The following ATM variants were observed in gnomAD, a reference collection of about 807,000 sequenced individuals.
ATM encodes ATM serine/threonine kinase.
In ATM, 308 loss-of-function variants were observed where a neutral mutation model predicts 387.0. The observed-to-expected ratio is 0.80, with a 90% confidence interval of 0.73 to 0.87. ATM has a LOEUF of 0.87. Among genes scored for constraint, ATM ranks in the 40% least tolerant of loss-of-function variants. The pLI, the probability that ATM is intolerant of heterozygous loss-of-function variation, is 0.00. For synonymous variants in ATM, 1,156 were observed against 1,187.3 expected (o/e 0.97, Z 0.54); for missense variants, 3,312 against 3,560.9 (o/e 0.93, Z 1.78).
At chr11:108,355,821 G>C (rs1009625530) in intron 61 of ATM, 5 of 152,202 alleles carry the variant, frequency 3.3e-5, no homozygotes, top group Non-Finnish European at 5.9e-5. Flanking sequence ...CATTAAGCCT[G>C]TGGTCAATAA....
chr11:108,277,688 G>A (rs1344701262), intron 22 of ATM, among the ~76,000 whole-genome samples: 1 of 152,092 alleles, frequency 6.6e-6, no homozygotes, highest in African/African-American at 2.4e-5. Context: ...ACCCTGCTTT[G>A]ACTCTCCCTC....
chr11:108,348,068 A>G (rs1351636924), intron 59 of ATM, among the ~76,000 whole-genome samples: 1 of 152,184 alleles, frequency 6.6e-6, no homozygotes, highest in Non-Finnish European at 1.5e-5. Context: ...GGGCCCCCAG[A>G]TAACTGAAGC....
intron 13 of ATM, among the ~76,000 whole-genome samples, chr11:108,255,549 C>T (rs1442934765): frequency 1.3e-5 from 2 of 151,234 alleles, no homozygotes; most frequent in Non-Finnish European, 2.9e-5. Context: ...CCTCAGCCTC[C>T]TGAGTAGCTG....
chr11:108,267,486 TA>T, intron 17 of ATM, 144 bp downstream of exon 17: 4 of 612,870 alleles, frequency 6.5e-6, no homozygotes, highest in Admixed American at 3.5e-5. Flanking sequence ...TTATATACTT[TA>T]TTTTTTTTTT....
Position 108,366,046 on chromosome 11 carries a change from AAAC to A in ATM, c.*540_*542del, listed in dbSNP as rs1328826044. On this transcript the variant is annotated 3_prime_UTR_variant, in exon 63 of 63. Transcript: ENST00000675843. ...CTCCATCTCAAAAAAAAAAAAAAAA[AAAC>A]AGAAACGTATTTGGATTTTTCCTAG... 1.1e-5 allele frequency: 2 copies of A among 176,170 alleles called. No homozygotes were observed. The highest frequency in any genetic ancestry group is 1.9e-4 in the East Asian group (2 of 10,258). The allele number at this position is 176,170 out of a possible 1,614,324, so 10.9% of individuals were successfully genotyped here.
At chr11:108,272,448 T>C (rs2081633046) in intron 20 of ATM, 84 bp from the exon 21 acceptor site, 2 of 1,122,588 alleles carry the variant, frequency 1.8e-6, no homozygotes, top group African/African-American at 3.1e-5. Context: ...ATATTGGAAG[T>C]AACTTACAAT....
At position 108,357,171 on chromosome 11, in the gene ATM, G is replaced by T. The variant is rs535421492; in HGVS notation, c.8850+2297G>T. ...CAGGGAGTTCCCTTTCCTAGTCAAA[G>T]AAAGGGGTGACAGACGGCACCTGGA... On this transcript the variant is annotated intron_variant, in intron 61 of 62. Transcript: ENST00000675843. Among the ~76,000 whole-genome samples the T allele has an allele frequency of 4.4e-4, 67 of 152,346 alleles. 1 individual carries two copies. The highest frequency in any genetic ancestry group is 2.9e-5 in the Non-Finnish European group (2 of 68,030).
intron 40 of ATM, among the ~76,000 whole-genome samples, chr11:108,312,930 G>A (rs1046195789): frequency 4.6e-5 from 7 of 152,110 alleles, no homozygotes; most frequent in South Asian, 2.1e-4. Flanking sequence ...GATGCTTGCC[G>A]AATTTCTTTG....
At chr11:108,350,643 T>A (rs1010656857) in intron 59 of ATM, among the ~76,000 whole-genome samples, 1 of 152,098 alleles carries the variant, frequency 6.6e-6, no homozygotes, top group Admixed American at 6.5e-5. Context: ...TCAGCGAATG[T>A]GAGAGAAAAC....
rs587781598 is a variant in ATM, at chr11:108,250,752, CTG to C, written c.1290_1291del (p.Cys430Ter). 1.0e-5 allele frequency: 16 copies of C among 1,605,178 alleles called. No homozygotes were observed. Among genetic ancestry groups the C allele is most frequent in the South Asian group, 2.2e-5 (2 of 90,884 alleles). On this transcript the variant is annotated frameshift_variant, in exon 10 of 63. Transcript: ENST00000675843. LOFTEE classifies it high-confidence loss of function. The stretch of plus-strand genomic sequence containing the variant: ...CAAAGTATCCTGCAAGTTTACCTAA[CTG>C]TGAGCTGTCTCCATTACTGATGATA... ...ISKYPASLPN[C>X]ELSPLLMILS...
intron 7 of ATM, among the ~76,000 whole-genome samples, chr11:108,246,196 T>C (rs1056970313): frequency 6.6e-5 from 10 of 152,170 alleles, no homozygotes; most frequent in African/African-American, 2.2e-4. Flanking sequence ...ATCTAGATAA[T>C]ATGTAGCCCA....
intron 17 of ATM, 119 bp downstream of exon 17, chr11:108,267,461 A>T (rs897332379): frequency 1.2e-6 from 1 of 833,292 alleles, no homozygotes; most frequent in African/African-American, 1.7e-5. Flanking sequence ...ATAGCCTTTT[A>T]GGATTGTTCC....
intron 5 of ATM, among the ~76,000 whole-genome samples, chr11:108,237,899 GTTT>G (rs369161623): frequency 2.5e-4 from 23 of 92,026 alleles, no homozygotes; most frequent in Non-Finnish European, 3.8e-4. Flanking sequence ...ATTTACTTAG[GTTT>G]TTTTTTTTTT....
At chr11:108,330,552 T>C (rs1950379784) in intron 50 of ATM, 131 bp downstream of exon 50, 1 of 916,504 alleles carries the variant, frequency 1.1e-6, no homozygotes, top group Non-Finnish European at 1.8e-6. Flanking sequence ...ATAAGTAGCA[T>C]TTTGTAGTTT....
At position 108,251,978 on chromosome 11, in the gene ATM, T is replaced by C. The variant is rs140321514; in HGVS notation, c.1749T>C (p.Tyr583=). ...KESIMKWLLF[Y]QLEGDLENST... is the part of the protein sequence containing the mutation. ...CAATAATGAAATGGCTCTTATTCTA[T>C]CAGTTAGAGGGTGACTTAGAAAATA... is the stretch of plus-strand genomic sequence containing the variant. Residue 583 remains tyrosine, a synonymous_variant, in exon 11 of 63, where the codon TAT becomes TAC. Coordinates refer to ENST00000675843, the MANE Select transcript of ATM (RefSeq NM_000051.4). The C allele has an allele frequency of 6.2e-7, 1 of 1,613,594 alleles. No homozygotes were observed. The highest frequency in any genetic ancestry group is 1.3e-5 in the African/African-American group (1 of 74,900).
At chr11:108,334,858 A>G (rs1292185481) in intron 54 of ATM, 111 bp from the exon 55 acceptor site, 8 of 1,310,314 alleles carry the variant, frequency 6.1e-6, no homozygotes, top group Admixed American at 3.7e-5. Flanking sequence ...CCACTATCAC[A>G]TCGTCATTTG....
In ATM at chr11:108,293,993, T is replaced by A. The variant is rs528718995; in HGVS notation, c.4776+516T>A. ...CCTACTTAAGAAATAAAAAAATGAA[T>A]CTTAATGTATCTCTTTGCATTGAAG... is the stretch of plus-strand genomic sequence containing the variant. On this transcript the variant is annotated intron_variant, in intron 31 of 62. Coordinates refer to ENST00000675843, the MANE Select transcript of ATM (RefSeq NM_000051.4). Among the ~76,000 whole-genome samples the A allele has an allele frequency of 2.7e-5, 4 of 150,324 alleles. No individual in the cohort carries two copies. In the South Asian group the frequency reaches 6.3e-4, roughly 24 times the overall value.
Position 108,259,674 on chromosome 11 carries a change from A to T in ATM, c.2466+599A>T, listed in dbSNP as rs561658339. 2.0e-5 allele frequency among the ~76,000 whole-genome samples: 3 copies of T among 152,314 alleles called. No homozygotes were observed. In the South Asian group the frequency reaches 6.2e-4, roughly 32 times the overall value. ...AGGCTCACAGCTATATCTGCGCAAC[A>T]TTGTACCAAAATTTAAAATAATTAT... On this transcript the variant is annotated intron_variant, in intron 16 of 62. Transcript: ENST00000675843.
chr11:108,292,702 C>T lies in ATM; in HGVS notation c.4520C>T (p.Thr1507Ile), dbSNP rs1064793811. The T allele has an allele frequency of 1.9e-6, 3 of 1,613,778 alleles. No homozygotes were observed. The highest frequency in any genetic ancestry group is 4.5e-5 in the East Asian group (2 of 44,850). Residue 1507 changes from threonine to isoleucine, a missense_variant, in exon 30 of 63, where the codon ACT (threonine) becomes ATT (isoleucine). Around this residue, in one of 4 missense-constraint regions of ATM, gnomAD observed 1,791 missense variants for 1,804.5 expected, o/e 0.99. Transcript: ENST00000675843. Reference protein sequence around the residue: ...LLSQVCQTAVTYCKDALENHL... With the variant: ...LLSQVCQTAVIYCKDALENHL... ...AGTCAGGTTTGCCAGACAGCCGTGA[C>T]TTACTGTAAGGATGCTCTAGAAAAC... is the stretch of plus-strand genomic sequence containing the variant.
Sources: allele counts gnomAD v4.1 joint callset (sites outside exome capture counted in the v4.1 genomes callset), GRCh38; gene constraint gnomAD v4.1.1; regional missense constraint gnomAD v4.1.1; transcripts MANE v1.5; gene names NCBI Gene and HGNC (gene_info 2026-07-23, HGNC 2026-07-21).